The following VCL variants were observed in gnomAD, a reference collection of about 807,000 sequenced individuals.
The protein encoded by VCL is epididymis luminal protein 114.
In VCL, 47 loss-of-function variants were observed where a neutral mutation model predicts 125.7. The ratio of observed to expected loss-of-function variants is 0.37; its 90% confidence interval spans 0.30 to 0.48. The LOEUF is 0.48. Ranked by LOEUF, VCL falls within the 20% of genes least tolerant of loss-of-function variation. VCL has a pLI of 0.99. For synonymous variants in VCL, 458 were observed against 514.6 expected, an observed-to-expected ratio of 0.89 and a Z score of 1.49; for missense variants, 1,069 against 1,455.5, an observed-to-expected ratio of 0.73 and a Z score of 4.32.
At chr10:74,088,951 TGCTG>T (rs1471854067) in intron 8 of VCL, among the ~76,000 whole-genome samples, 2 of 152,232 alleles carry the variant, frequency 1.3e-5, no homozygotes, top group African/African-American at 2.4e-5. Context: ...TATCAAAATT[TGCTG>T]GCCTGGTCTT....
chr10:74,077,182 A>C (rs1302547992), intron 6 of VCL: 2 of 152,680 alleles, frequency 1.3e-5, no homozygotes, highest in Non-Finnish European at 2.9e-5. Flanking sequence ...ACTCAAGTAC[A>C]CGATGACATC....
chr10:74,048,030 A>T (rs563814970), intron 2 of VCL, among the ~76,000 whole-genome samples: 4 of 152,224 alleles, frequency 2.6e-5, no homozygotes, highest in African/African-American at 4.8e-5. Context: ...AGACTGCAAT[A>T]ATAGCCACAG....
downstream of VCL, chr10:74,121,058 G>A (rs906909218): frequency 1.3e-5 from 2 of 152,130 alleles, no homozygotes; most frequent in South Asian, 2.1e-4. Context: ...TTGATATTTA[G>A]TGTTGCCAAC....
At position 74,101,115 on chromosome 10, in the gene VCL, C is replaced by T. The variant is rs762939357; in HGVS notation, c.2022+18C>T. 28 of 1,611,114 alleles carry T rather than the reference C, an allele frequency of 1.7e-5. No individual in the cohort carries two copies. Among genetic ancestry groups the T allele is most frequent in the Non-Finnish European group, 2.3e-5 (27 of 1,178,520 alleles). ...CACCCCAGGTTGGGTTTTGCTCATT[C>T]CTCATACAGTGTTCAGTAAAGAAAG... On this transcript the variant is annotated intron_variant, in intron 14 of 21. Coordinates refer to ENST00000211998, the MANE Select transcript of VCL (RefSeq NM_014000.3).
At chr10:74,022,379 C>G (rs1239962161) in intron 1 of VCL, among the ~76,000 whole-genome samples, 5 of 151,788 alleles carry the variant, frequency 3.3e-5, no homozygotes, top group Non-Finnish European at 5.9e-5. Flanking sequence ...AACCCCATCT[C>G]TACTAAAAAT....
intron 13 of VCL, among the ~76,000 whole-genome samples, chr10:74,098,290 T>A (rs1461953174): frequency 6.6e-6 from 1 of 152,226 alleles, no homozygotes; most frequent in Non-Finnish European, 1.5e-5. Flanking sequence ...ACCACTAAGA[T>A]AACACCACCA....
At chr10:74,007,188 A>G (rs773463129) in intron 1 of VCL, among the ~76,000 whole-genome samples, 14 of 152,166 alleles carry the variant, frequency 9.2e-5, no homozygotes, top group Non-Finnish European at 1.9e-4. Flanking sequence ...CATGTTGCCC[A>G]GGCTGTTCTT....
At chr10:74,049,009 G>A (rs1841246480) in intron 2 of VCL, among the ~76,000 whole-genome samples, 1 of 152,148 alleles carries the variant, frequency 6.6e-6, no homozygotes. Context: ...TCAGGAGGCT[G>A]AGGCAGGAGA....
chr10:74,045,028 C>T (rs1841170680), intron 2 of VCL, among the ~76,000 whole-genome samples: 1 of 151,592 alleles, frequency 6.6e-6, no homozygotes, highest in Non-Finnish European at 1.5e-5. Flanking sequence ...AACATTAGCT[C>T]CGTGTGGTGG....
chr10:74,056,668 T>TTCCTGAC (rs1260893755), intron 2 of VCL, among the ~76,000 whole-genome samples: 3 of 152,188 alleles, frequency 2.0e-5, no homozygotes, highest in African/African-American at 7.2e-5. Context: ...GTACTCTGTG[T>TTCCTGAC]TCCTGACTCC....
chr10:74,051,047 C>G (rs1217189628), intron 2 of VCL, among the ~76,000 whole-genome samples: 1 of 146,832 alleles, frequency 6.8e-6, no homozygotes. Flanking sequence ...TCAAGAGATT[C>G]TCCTGACTCA....
In VCL at chr10:74,118,569, G is replaced by C; in HGVS notation, c.*400G>C. ...CCCATTCACTCTTCCAGAATCCCAA[G>C]ACCCAGGGCCCAGGCAAATCAGTTA... On this transcript the variant is annotated 3_prime_UTR_variant, in exon 22 of 22. Transcript: ENST00000211998. 1 of 285,782 alleles carries C rather than the reference G, an allele frequency of 3.5e-6. No homozygotes were observed. Among genetic ancestry groups the C allele is most frequent in the South Asian group, 3.6e-5 (1 of 27,648 alleles). 17.7% of individuals were successfully genotyped at this position (285,782 alleles called of 1,614,324 possible). A position where few individuals can be genotyped will look rare whatever the true frequency, so the allele number is the denominator to read the frequency against.
rs189614135 is a variant in VCL, at chr10:74,088,579, A to T, written c.1023-617A>T. On this transcript the variant is annotated intron_variant, in intron 8 of 21. Coordinates refer to ENST00000211998, the MANE Select transcript of VCL (RefSeq NM_014000.3). Reference sequence around the variant, plus strand: ...ATTTTGATGCTTGAAGCCACTCCATAAGATAAGTGGGGAAAATGTATTACC... The same window carrying T: ...ATTTTGATGCTTGAAGCCACTCCATTAGATAAGTGGGGAAAATGTATTACC... Among the ~76,000 whole-genome samples the T allele has an allele frequency of 2.6e-5, 4 of 152,320 alleles. No individual in the cohort carries two copies. In the East Asian group the frequency reaches 7.7e-4, roughly 29 times the overall value.
chr10:74,061,550 T>G (rs1841479421), intron 2 of VCL, among the ~76,000 whole-genome samples: 1 of 152,220 alleles, frequency 6.6e-6, no homozygotes, highest in African/African-American at 2.4e-5. Context: ...GGTGATGCTT[T>G]TGTTTGTTGG....
At chr10:74,026,683 A>G (rs1179236218) in intron 1 of VCL, among the ~76,000 whole-genome samples, 1 of 152,228 alleles carries the variant, frequency 6.6e-6, no homozygotes, top group African/African-American at 2.4e-5. Context: ...TACATCATTT[A>G]TCTCTGAGAG....
At chr10:74,008,890 A>G (rs6480714) in intron 1 of VCL, among the ~76,000 whole-genome samples, 51,662 of 152,020 alleles carry the variant, frequency 0.34, 9,948 homozygotes, top group African/African-American at 0.53. Context: ...AGGCAGGTCA[A>G]CCCTTAAACC....
chr10:74,118,133 A>G lies in VCL; in HGVS notation c.3369A>G (p.Thr1123=). 6.2e-7 allele frequency: 1 copy of G among 1,614,142 alleles called. No homozygotes were observed. Among genetic ancestry groups the G allele is most frequent in the Non-Finnish European group, 8.5e-7 (1 of 1,180,022 alleles). ...SIKIRTDAGF[T]LRWVRKTPWY... ...AAATTCGAACAGATGCTGGATTTACACTGCGCTGGGTTAGAAAGACTCCCT... is the reference window on the plus strand; with the variant it reads ...AAATTCGAACAGATGCTGGATTTACGCTGCGCTGGGTTAGAAAGACTCCCT... Residue 1123 remains threonine, a synonymous_variant, in exon 22 of 22, where the codon ACA becomes ACG. Transcript: ENST00000211998.
chr10:74,033,786 C>G (rs1374158767), intron 1 of VCL, among the ~76,000 whole-genome samples: 13 of 152,160 alleles, frequency 8.5e-5, no homozygotes. Flanking sequence ...TATCCCAGTG[C>G]TAATTACTTT....
chr10:74,094,732 C>T (rs1270088277), intron 11 of VCL, among the ~76,000 whole-genome samples: 1 of 151,966 alleles, frequency 6.6e-6, no homozygotes, highest in Admixed American at 6.6e-5. Context: ...ACCAGCCAAG[C>T]AACATAGCAA....
Sources: allele counts gnomAD v4.1 joint callset (sites outside exome capture counted in the v4.1 genomes callset), GRCh38; gene constraint gnomAD v4.1.1; transcripts MANE v1.5; gene names NCBI Gene and HGNC (gene_info 2026-07-23, HGNC 2026-07-21).